PIK3AP1: variants seen among roughly 807,000 people sequenced by gnomAD.
PIK3AP1 encodes phosphoinositide 3-kinase adapter protein 1.
Under a neutral mutation model 88.1 loss-of-function variants are expected in PIK3AP1, and 21 were observed. That is an observed-to-expected ratio of 0.24 (90% confidence interval 0.17 to 0.34). The LOEUF (loss-of-function observed/expected upper bound fraction) is 0.34. PIK3AP1 is among the 10% of genes least tolerant of loss of function. The pLI, the probability that PIK3AP1 is intolerant of heterozygous loss-of-function variation, is 1.00. For missense variants in PIK3AP1, 828 were observed against 1,035.7 expected, an observed-to-expected ratio of 0.80 and a Z score of 2.75; for synonymous variants, 398 against 400.0, an observed-to-expected ratio of 1.00 and a Z score of 0.06.
intron 2 of PIK3AP1, among the ~76,000 whole-genome samples, chr10:96,680,674 G>A (rs1589534088): frequency 6.6e-6 from 1 of 152,308 alleles, no homozygotes. Context: ...ATTCCACAGT[G>A]TATATGTACC....
intron 7 of PIK3AP1, among the ~76,000 whole-genome samples, chr10:96,646,253 CT>C (rs1311926121): frequency 6.8e-6 from 1 of 146,352 alleles, no homozygotes; most frequent in Non-Finnish European, 1.5e-5. Context: ...GAGCAAGACT[CT>C]GTCTAAAAAA....
At chr10:96,680,849 A>G (rs959055634) in intron 2 of PIK3AP1, among the ~76,000 whole-genome samples, 4 of 152,326 alleles carry the variant, frequency 2.6e-5, no homozygotes, top group East Asian at 1.9e-4. Flanking sequence ...CACTAGTTCA[A>G]TTGCATTTAT....
Position 96,656,901 on chromosome 10 carries a change from G to A in PIK3AP1, c.464C>T (p.Pro155Leu), listed in dbSNP as rs1041237987. Residue 155 changes from proline to leucine, a missense_variant, in exon 3 of 17, where the codon CCT becomes CTT. Coordinates refer to ENST00000339364, the MANE Select transcript of PIK3AP1 (RefSeq NM_152309.3). The stretch of plus-strand genomic sequence containing the variant: ...GTAGGAAACAACCTTCTCGTCCTCA[G>A]GCTCAGTGTCAGTGACTGAGTCACA... ...SGCDSVTDTE[P>L]EDEKVVSYSK... The A allele has an allele frequency of 6.2e-7, 1 of 1,613,974 alleles. No individual in the cohort carries two copies. Among genetic ancestry groups the A allele is most frequent in the African/African-American group, 1.3e-5 (1 of 74,902 alleles).
chr10:96,680,752 T>C (rs1010455671), intron 2 of PIK3AP1, among the ~76,000 whole-genome samples: 1 of 152,258 alleles, frequency 6.6e-6, no homozygotes, highest in East Asian at 1.9e-4. Flanking sequence ...GTATTCATAC[T>C]ATTGATTGCT....
At chr10:96,685,460 C>T (rs568166539) in intron 2 of PIK3AP1, among the ~76,000 whole-genome samples, 1 of 152,240 alleles carries the variant, frequency 6.6e-6, no homozygotes, top group East Asian at 1.9e-4. Context: ...GGCTGGTAGC[C>T]AATGCTGATG....
chr10:96,658,932 T>C (rs929148995), intron 2 of PIK3AP1, among the ~76,000 whole-genome samples: 2 of 152,146 alleles, frequency 1.3e-5, no homozygotes, highest in Non-Finnish European at 2.9e-5. Flanking sequence ...CCTCAATCCC[T>C]GCAAAAACTA....
chr10:96,700,446 T>C (rs967128239), intron 2 of PIK3AP1, among the ~76,000 whole-genome samples: 1 of 152,184 alleles, frequency 6.6e-6, no homozygotes, highest in Admixed American at 6.5e-5. Flanking sequence ...GCAAGGCAGT[T>C]AGGGTATCAG....
chr10:96,623,342 C>T lies in PIK3AP1; in HGVS notation c.1735+130G>A, dbSNP rs559133371. The T allele has an allele frequency of 1.0e-4, 91 of 894,104 alleles. No homozygotes were observed. In the African/African-American group the frequency reaches 1.2e-3, roughly 12 times the overall value. The allele number at this position is 894,104 out of a possible 1,614,324, so 55.4% of individuals were successfully genotyped here. On this transcript the variant is annotated intron_variant, in intron 11 of 16. Coordinates refer to ENST00000339364, the MANE Select transcript of PIK3AP1 (RefSeq NM_152309.3). Reference sequence around the variant, plus strand: ...CCTCCCAAAGTGCTGGGACTACAGGCGTGAGCCATGATGCCTGGCCTAGAT... The same window carrying T: ...CCTCCCAAAGTGCTGGGACTACAGGTGTGAGCCATGATGCCTGGCCTAGAT...
intron 15 of PIK3AP1, chr10:96,603,705 CACA>C (rs1382463160): frequency 2.7e-5 from 6 of 220,392 alleles, no homozygotes; most frequent in African/African-American, 1.4e-4. Flanking sequence ...CACACACACA[CACA>C]CACCACATAT....
chr10:96,713,194 T>A (rs562745349), intron 1 of PIK3AP1, among the ~76,000 whole-genome samples: 1 of 152,114 alleles, frequency 6.6e-6, no homozygotes, highest in African/African-American at 2.4e-5. Flanking sequence ...AAACCCCGTC[T>A]CTACAAACAA....
intron 2 of PIK3AP1, among the ~76,000 whole-genome samples, chr10:96,676,429 C>G (rs1479113667): frequency 5.3e-5 from 8 of 151,714 alleles, no homozygotes; most frequent in Admixed American, 5.3e-4. Context: ...TGGCTATGAC[C>G]CGAGGTCATT....
At chr10:96,600,497 C>T (rs1848868677) in intron 16 of PIK3AP1, among the ~76,000 whole-genome samples, 1 of 152,188 alleles carries the variant, frequency 6.6e-6, no homozygotes, top group Non-Finnish European at 1.5e-5. Flanking sequence ...CTAATCCGTG[C>T]CTTCCAGTCT....
At chr10:96,612,944 GTGTGTGTATATATATA>G (rs1366274416) in intron 13 of PIK3AP1, among the ~76,000 whole-genome samples, 627 of 57,110 alleles carry the variant, frequency 0.011, 23 homozygotes, top group African/African-American at 0.023. Context: ...TGAATTGTGT[GTGTGTGTATATATATA>G]TATATATATA....
intron 8 of PIK3AP1, among the ~76,000 whole-genome samples, chr10:96,639,168 G>A (rs752020078): frequency 2.6e-5 from 4 of 152,234 alleles, no homozygotes; most frequent in South Asian, 2.1e-4. Flanking sequence ...TCTCACACTC[G>A]GGGACACCTA....
intron 15 of PIK3AP1, among the ~76,000 whole-genome samples, chr10:96,602,996 C>A (rs73332333): frequency 0.011 from 1,618 of 152,258 alleles, 33 homozygotes; most frequent in African/African-American, 0.036. Context: ...GACCCCGGCT[C>A]CCTCTGGCAG....
chr10:96,651,685 A>G (rs1480317615), intron 4 of PIK3AP1, 34 bp from the exon 5 acceptor site: 1 of 1,607,740 alleles, frequency 6.2e-7, no homozygotes, highest in South Asian at 1.1e-5. Flanking sequence ...CAAAATTCCC[A>G]GGAAAAACAA....
rs748930022 is a variant in PIK3AP1, at chr10:96,653,479, C to CTTTTT, written c.568-642_568-638dup. 4.5e-4 allele frequency among the ~76,000 whole-genome samples: 28 copies of CTTTTT among 61,856 alleles called. 2 individuals are homozygous for CTTTTT. Among genetic ancestry groups the CTTTTT allele is most frequent in the African/African-American group, 9.7e-4 (16 of 16,452 alleles). 40.6% of individuals were successfully genotyped at this position (61,856 alleles called of 152,430 possible). On this transcript the variant is annotated intron_variant, in intron 3 of 16. Transcript: ENST00000339364. ...AACCTTAAGGCCGATACTTTATACA[C>CTTTTT]TTTTTTTTTTTTTTTTTTTTTTTTT...
intron 2 of PIK3AP1, among the ~76,000 whole-genome samples, chr10:96,702,424 T>C (rs2134284445): frequency 6.7e-6 from 1 of 148,732 alleles, no homozygotes; most frequent in East Asian, 2.0e-4. Flanking sequence ...GCTTGAACCG[T>C]GGAGGCAGAG....
intron 6 of PIK3AP1, among the ~76,000 whole-genome samples, chr10:96,650,355 G>T (rs1162321656): frequency 6.6e-6 from 1 of 152,134 alleles, no homozygotes; most frequent in East Asian, 1.9e-4. Flanking sequence ...GAACGGTGGT[G>T]TCCACAGAAA....
Sources: gnomAD v4.1 joint callset for allele counts (sites outside exome capture counted in the v4.1 genomes callset) on GRCh38, gnomAD v4.1.1 for gene constraint, MANE v1.5 for transcripts, NCBI Gene and HGNC (gene_info 2026-07-23, HGNC 2026-07-21) for gene names.